AKAP12: variants seen among roughly 807,000 people sequenced by gnomAD.
AKAP12 encodes the protein A-kinase anchor protein 12.
Under a neutral mutation model 79.9 loss-of-function variants are expected in AKAP12, and 32 were observed. That is an observed-to-expected ratio of 0.40 (90% CI 0.30 to 0.54). The LOEUF is 0.54. Ranked by LOEUF, AKAP12 falls within the 20% of genes least tolerant of loss-of-function variation. The pLI is 0.48. For synonymous variants in AKAP12, 808 were observed against 857.0 expected (o/e 0.94, Z 1.00); for missense variants, 2,074 against 2,177.0 (o/e 0.95, Z 0.94).
chr6:151,350,695 A>C lies in AKAP12; in HGVS notation c.2304A>C (p.Pro768=). 4 of 1,613,854 alleles carry C rather than the reference A, an allele frequency of 2.5e-6. No homozygotes were observed. Among genetic ancestry groups the C allele is most frequent in the Non-Finnish European group, 3.4e-6 (4 of 1,179,954 alleles). ...TWESFKRLVT[P]RKKSKSKLEE... ...AGTCATTTAAAAGGTTAGTCACGCC[A>C]AGAAAAAAATCAAAGTCCAAGCTGG... Residue 768 remains proline (P), a synonymous_variant, in exon 4 of 5, where the codon CCA becomes CCC. Coordinates refer to ENST00000402676, the MANE Select transcript of AKAP12 (RefSeq NM_005100.4). This position sits in a 1 kb window ranked among gnomAD's most constrained non-coding sequence, Gnocchi z 4.8.
At chr6:151,240,933 G>A (rs931163711) in intron 2 of AKAP12, among the ~76,000 whole-genome samples, 5 of 152,220 alleles carry the variant, frequency 3.3e-5, no homozygotes, top group African/African-American at 1.2e-4. Flanking sequence ...GCGGCGGGGG[G>A]CTTGCATCTT....
At chr6:151,324,371 G>T (rs1562739350) in intron 3 of AKAP12, 3 of 985,240 alleles carry the variant, frequency 3.0e-6, no homozygotes, top group Non-Finnish European at 3.6e-6. Flanking sequence ...GCAAGGAAGC[G>T]GTTTTCACGT....
intron 2 of AKAP12, among the ~76,000 whole-genome samples, chr6:151,273,552 C>T (rs1477961679): frequency 6.6e-6 from 1 of 152,232 alleles, no homozygotes; most frequent in Non-Finnish European, 1.5e-5. Flanking sequence ...TTACCCTCAT[C>T]TCTCCCTTTG....
chr6:151,319,963 T>C (rs1214016361), intron 3 of AKAP12: 1 of 152,242 alleles, frequency 6.6e-6, no homozygotes, highest in East Asian at 1.9e-4. Context: ...TACTGGTTTT[T>C]GGCTTCTTTT....
At chr6:151,315,077 G>T (rs563938132) in intron 3 of AKAP12, among the ~76,000 whole-genome samples, 17 of 151,738 alleles carry the variant, frequency 1.1e-4, no homozygotes, top group African/African-American at 3.4e-4. Context: ...AAAGATTTAG[G>T]CCCTTTTCCT....
intron 2 of AKAP12, among the ~76,000 whole-genome samples, chr6:151,280,884 C>T (rs1460475476): frequency 6.6e-6 from 1 of 152,144 alleles, no homozygotes; most frequent in African/African-American, 2.4e-5. Flanking sequence ...TCATATTTCA[C>T]AAACCTTTGA....
chr6:151,321,009 G>C (rs1562737533), intron 3 of AKAP12, among the ~76,000 whole-genome samples: 1 of 150,240 alleles, frequency 6.7e-6, no homozygotes, highest in Non-Finnish European at 1.5e-5. Flanking sequence ...TTTTTTGAGA[G>C]GGAGTCTTGC....
Position 151,351,694 on chromosome 6 carries a change from A to G in AKAP12, c.3303A>G (p.Ala1101=), listed in dbSNP as rs1363046967. 1.1e-5 allele frequency: 18 copies of G among 1,614,198 alleles called. No homozygotes were observed. Among genetic ancestry groups the G allele is most frequent in the Non-Finnish European group, 1.5e-5 (18 of 1,180,050 alleles). The change falls in exon 4 of 5, where the codon GCA becomes GCG. Residue 1101 remains alanine, a synonymous_variant. Transcript: ENST00000402676. The surrounding 1 kb of genome is among the most constrained non-coding windows in gnomAD (Gnocchi z 4.4). ...DVVLKVDAQE[A]KTEPFTQGKV... ...TGTTGAAAGTAGATGCTCAGGAGGC[A>G]AAAACTGAGCCTTTTACACAAGGGA...
chr6:151,273,810 A>T (rs1191447384), intron 2 of AKAP12, among the ~76,000 whole-genome samples: 1 of 152,054 alleles, frequency 6.6e-6, no homozygotes, highest in Non-Finnish European at 1.5e-5. Context: ...CGGGTGGATC[A>T]TGAGGTCAGG....
chr6:151,283,648 G>T (rs976377217), intron 2 of AKAP12, among the ~76,000 whole-genome samples: 5 of 152,226 alleles, frequency 3.3e-5, no homozygotes, highest in Non-Finnish European at 7.3e-5. Flanking sequence ...GAACCTTACA[G>T]GTAGGGCCTC....
At chr6:151,326,554 GGCCGT>G (rs1777533571) in intron 3 of AKAP12, among the ~76,000 whole-genome samples, 1 of 151,248 alleles carries the variant, frequency 6.6e-6, no homozygotes, top group Non-Finnish European at 1.5e-5. Context: ...CTAGGAATCT[GGCCGT>G]GAGTATGAAT....
At chr6:151,331,846 A>G (rs1777676781) in intron 3 of AKAP12, among the ~76,000 whole-genome samples, 1 of 148,790 alleles carries the variant, frequency 6.7e-6, no homozygotes, top group Non-Finnish European at 1.5e-5. Context: ...GATTGCACCA[A>G]CGCACTCCAG....
Position 151,352,130 on chromosome 6 carries a change from G to T in AKAP12, c.3739G>T (p.Asp1247Tyr). ...GATGGAAGACACTCTAGAGCATACA[G>T]ATAAAGAGGTGTCAGTGGAAACTGT... Reference protein sequence around the residue: ...SKMEDTLEHTDKEVSVETVSI... With the variant: ...SKMEDTLEHTYKEVSVETVSI... Residue 1247 changes from aspartate to tyrosine, a missense_variant, in exon 4 of 5, where the codon GAT (aspartate) becomes TAT (tyrosine). Around this residue, in one of 3 missense-constraint regions of AKAP12, gnomAD observed 614 missense variants for 665.6 expected, o/e 0.92. Coordinates refer to ENST00000402676, the MANE Select transcript of AKAP12 (RefSeq NM_005100.4). 6.2e-7 allele frequency: 1 copy of T among 1,614,192 alleles called. No individual in the cohort carries two copies.
At position 151,357,710 on chromosome 6, in the gene AKAP12, T is replaced by C. The variant is rs6917899; in HGVS notation, c.*1996T>C. On this transcript the variant is annotated 3_prime_UTR_variant, in exon 5 of 5. Transcript: ENST00000402676. ...AAAAACCTCTGATATATATATATAA[T>C]TTTTTTTTTTTTTTTTTTTTGGCCA... The C allele has an allele frequency of 5.4e-5, 1 of 18,592 alleles. No homozygotes were observed. The highest frequency in any genetic ancestry group is 2.3e-4 in the Non-Finnish European group (1 of 4,340). The allele number at this position is 18,592 out of a possible 1,614,324, so 1.2% of individuals were successfully genotyped here.
At chr6:151,308,001 A>G (rs1029766004) in intron 3 of AKAP12, among the ~76,000 whole-genome samples, 4 of 152,014 alleles carry the variant, frequency 2.6e-5, no homozygotes, top group Non-Finnish European at 4.4e-5. Context: ...CTCCTGCCTC[A>G]GCCTCCTGAG....
chr6:151,320,482 A>G (rs1777352061), intron 3 of AKAP12, among the ~76,000 whole-genome samples: 1 of 151,958 alleles, frequency 6.6e-6, no homozygotes, highest in South Asian at 2.1e-4. Flanking sequence ...TCCTCTCCAC[A>G]TGTGGCTTTG....
intron 3 of AKAP12, among the ~76,000 whole-genome samples, chr6:151,340,527 A>G (rs933653703): frequency 5.9e-5 from 9 of 152,172 alleles, no homozygotes; most frequent in Non-Finnish European, 7.4e-5. Flanking sequence ...ACAGATGACT[A>G]TTTTTGAAGT....
rs1264696214 is a variant in AKAP12 at position 151,353,447 on chromosome 6, G to GA, written c.5059dup (p.Arg1687LysfsTer8). On this transcript the variant is annotated frameshift_variant, in exon 4 of 5. Transcript: ENST00000402676. LOFTEE classifies it low-confidence loss of function (END_TRUNC). The stretch of plus-strand genomic sequence containing the variant: ...AGATGATGGTCATGCCTTGTTAGCA[G>GA]AAAGAATAGAGAAGTCACTAGTTGA... The GA allele has an allele frequency of 6.2e-7, 1 of 1,614,198 alleles. No individual in the cohort carries two copies. Among genetic ancestry groups the GA allele is most frequent in the Non-Finnish European group, 8.5e-7 (1 of 1,180,038 alleles).
intron 2 of AKAP12, among the ~76,000 whole-genome samples, chr6:151,244,492 C>T (rs1448091715): frequency 6.6e-6 from 1 of 152,104 alleles, no homozygotes; most frequent in Non-Finnish European, 1.5e-5. Context: ...CCACTGCACT[C>T]CAATCTGGGC....
Sources: gnomAD v4.1 joint callset for allele counts (sites outside exome capture counted in the v4.1 genomes callset) on GRCh38, gnomAD v4.1.1 for gene constraint, gnomAD v4.1.1 regional missense constraint, Gnocchi (gnomAD v3.1) non-coding constraint, MANE v1.5 for transcripts, NCBI Gene and HGNC (gene_info 2026-07-23, HGNC 2026-07-21) for gene names.